The following ARHGAP25 variants were observed in gnomAD, a reference collection of about 807,000 sequenced individuals.
ARHGAP25 encodes the protein rho GTPase-activating protein 25.
Under a neutral mutation model 71.0 loss-of-function variants are expected in ARHGAP25, and 34 were observed. The observed-to-expected ratio is 0.48, with a 90% CI of 0.36 to 0.64. ARHGAP25 has a LOEUF of 0.64. Among genes scored for constraint, ARHGAP25 ranks in the 30% least tolerant of loss-of-function variants. The pLI, the probability that ARHGAP25 is intolerant of heterozygous loss-of-function variation, is 0.00. For synonymous variants in ARHGAP25, 282 were observed against 296.5 expected, an observed-to-expected ratio of 0.95 and a Z score of 0.50; for missense variants, 706 against 805.1, an observed-to-expected ratio of 0.88 and a Z score of 1.49.
At chr2:68,762,364 A>G (rs1454481245) in intron 1 of ARHGAP25, among the ~76,000 whole-genome samples, 2 of 152,230 alleles carry the variant, frequency 1.3e-5, no homozygotes, top group Admixed American at 6.5e-5. Context: ...GTACAATCAA[A>G]AATAAGATAG....
chr2:68,715,483 T>C (rs1199708324), intron 2 of ARHGAP25, among the ~76,000 whole-genome samples: 1 of 152,192 alleles, frequency 6.6e-6, no homozygotes, highest in Non-Finnish European at 1.5e-5. Flanking sequence ...CTCTGGCTAA[T>C]GCAGTGCAAT....
chr2:68,749,500 C>G (rs1378686589), intron 1 of ARHGAP25, among the ~76,000 whole-genome samples: 3 of 152,192 alleles, frequency 2.0e-5, no homozygotes, highest in African/African-American at 7.2e-5. Flanking sequence ...TTAACCATTT[C>G]CCGTCTTGCA....
chr2:68,794,381 T>C (rs1679394352), intron 4 of ARHGAP25, among the ~76,000 whole-genome samples: 1 of 152,192 alleles, frequency 6.6e-6, no homozygotes, highest in Admixed American at 6.5e-5. Context: ...CTTTCTCCCA[T>C]TCAGTATGAT....
chr2:68,715,516 C>T (rs1399593642), intron 2 of ARHGAP25, among the ~76,000 whole-genome samples: 2 of 152,050 alleles, frequency 1.3e-5, no homozygotes, highest in Non-Finnish European at 2.9e-5. Flanking sequence ...TAGGGGCTTC[C>T]GGGAGGCGGT....
intron 2 of ARHGAP25, among the ~76,000 whole-genome samples, chr2:68,723,619 G>A (rs936659097): frequency 1.8e-4 from 27 of 152,176 alleles, no homozygotes; most frequent in African/African-American, 6.5e-4. Flanking sequence ...TGCTAGCTGA[G>A]AGGATGGGGA....
intron 1 of ARHGAP25, among the ~76,000 whole-genome samples, chr2:68,756,025 G>A (rs1333942046): frequency 3.9e-5 from 6 of 151,928 alleles, no homozygotes; most frequent in Non-Finnish European, 7.4e-5. Flanking sequence ...AATCTATCCC[G>A]CCACCTAGAC....
At chr2:68,746,286 G>A (rs914003937) in intron 1 of ARHGAP25, among the ~76,000 whole-genome samples, 2 of 152,090 alleles carry the variant, frequency 1.3e-5, no homozygotes, top group African/African-American at 4.8e-5. Context: ...AAAAGTTTTC[G>A]TCTACCCACA....
intron 2 of ARHGAP25, among the ~76,000 whole-genome samples, chr2:68,729,060 A>G (rs1674947051): frequency 6.6e-6 from 1 of 152,268 alleles, no homozygotes; most frequent in Non-Finnish European, 1.5e-5. Context: ...ACCTTTGTCC[A>G]TACACAAATC....
rs1008130076 is a variant in ARHGAP25, at chr2:68,826,021, G to C, written c.1768G>C (p.Val590Leu). 6.2e-7 allele frequency: 1 copy of C among 1,613,878 alleles called. No individual in the cohort carries two copies. Among genetic ancestry groups the C allele is most frequent in the Admixed American group, 1.7e-5 (1 of 59,984 alleles). Residue 590 changes from valine (V) to leucine (L), a missense_variant, in exon 11 of 11, where the codon GTG (valine) becomes CTG (leucine). Val to Leu is a conservative substitution (Grantham distance 32). Transcript: ENST00000409202. ...GGAAAATTATGACGTTTGGGCTAAA[G>C]TGGTGAGGCTCAATGAAGAACTGGA... is the stretch of plus-strand genomic sequence containing the variant. ...EKENYDVWAKVVRLNEELEKE... is the reference protein window; with the variant it reads ...EKENYDVWAKLVRLNEELEKE...
chr2:68,798,794 TAG>T (rs549993280), intron 4 of ARHGAP25, among the ~76,000 whole-genome samples: 43 of 152,258 alleles, frequency 2.8e-4, no homozygotes, highest in African/African-American at 8.9e-4. Flanking sequence ...TCACAGGGAA[TAG>T]CATGTGCAAA....
chr2:68,741,164 GA>G (rs1292257912), intron 1 of ARHGAP25, among the ~76,000 whole-genome samples: 1 of 152,202 alleles, frequency 6.6e-6, no homozygotes, highest in Non-Finnish European at 1.5e-5. Flanking sequence ...TACCCTCGCA[GA>G]ATAGGGCTCA....
At chr2:68,768,246 C>T (rs1010346943) in intron 1 of ARHGAP25, among the ~76,000 whole-genome samples, 7 of 152,122 alleles carry the variant, frequency 4.6e-5, no homozygotes, top group Admixed American at 2.0e-4. Context: ...GTGGCTGGCT[C>T]GTGGTAAGTA....
intron 9 of ARHGAP25, among the ~76,000 whole-genome samples, chr2:68,821,046 G>A (rs1228917630): frequency 1.3e-5 from 2 of 149,422 alleles, no homozygotes; most frequent in African/African-American, 2.5e-5. Context: ...AGATGTACCA[G>A]TCCCTATAGA....
At chr2:68,740,131 G>A (rs1675442669) in intron 1 of ARHGAP25, among the ~76,000 whole-genome samples, 3 of 152,176 alleles carry the variant, frequency 2.0e-5, no homozygotes, top group African/African-American at 7.2e-5. Context: ...CTGCAAAGCG[G>A]TGAGACAGGT....
rs1012147488 is a variant in ARHGAP25 at position 68,794,559 on chromosome 2, A to G, written c.466+6603A>G. Among the ~76,000 whole-genome samples the G allele has an allele frequency of 1.5e-4, 23 of 152,012 alleles. 1 individual carries two copies. Among genetic ancestry groups the G allele is most frequent in the Admixed American group, 1.3e-3 (20 of 15,266 alleles). The stretch of plus-strand genomic sequence containing the variant: ...CTTTTGCCTTAATTCTGTTTGTGTG[A>G]TGTATCACATTTATTGATTTGTGTA... On this transcript the variant is annotated intron_variant, in intron 4 of 10. Transcript: ENST00000409202.
intron 4 of ARHGAP25, among the ~76,000 whole-genome samples, chr2:68,794,629 T>A (rs1315462825): frequency 1.3e-5 from 2 of 152,214 alleles, no homozygotes; most frequent in Non-Finnish European, 2.9e-5. Context: ...TATTTGATCA[T>A]GGTGTGTTAT....
chr2:68,760,322 T>C (rs1215322384), intron 1 of ARHGAP25, among the ~76,000 whole-genome samples: 2 of 151,990 alleles, frequency 1.3e-5, no homozygotes, highest in Non-Finnish European at 2.9e-5. Flanking sequence ...AATGTAATAC[T>C]TGAAGCCCTA....
intron 4 of ARHGAP25, among the ~76,000 whole-genome samples, chr2:68,796,156 A>T (rs1278111261): frequency 6.6e-6 from 1 of 152,072 alleles, no homozygotes; most frequent in Non-Finnish European, 1.5e-5. Context: ...CCTCCAATAA[A>T]TGTATTTTGT....
intron 4 of ARHGAP25, among the ~76,000 whole-genome samples, chr2:68,801,219 T>G (rs966623114): frequency 6.6e-6 from 1 of 152,058 alleles, no homozygotes; most frequent in Non-Finnish European, 1.5e-5. Flanking sequence ...CTTTGACGGA[T>G]TTCTAGGCTG....
Sources: allele counts gnomAD v4.1 joint callset (sites outside exome capture counted in the v4.1 genomes callset), GRCh38; gene constraint gnomAD v4.1.1; transcripts MANE v1.5; gene names NCBI Gene and HGNC (gene_info 2026-07-23, HGNC 2026-07-21).